Variants in THSD4 observed in about 807,000 individuals in gnomAD.
The protein encoded by THSD4 is thrombospondin type 1 domain containing 4.
Under a neutral mutation model 119.0 loss-of-function variants are expected in THSD4, and 69 were observed. The ratio of observed to expected loss-of-function variants is 0.58; its 90% CI spans 0.48 to 0.71. THSD4 has a LOEUF of 0.71. THSD4 is among the 30% of genes least tolerant of loss of function. The pLI, the probability that THSD4 is intolerant of heterozygous loss-of-function variation, is 0.00. For missense variants in THSD4, 1,393 were observed against 1,391.1 expected (o/e 1.00, Z -0.02); for synonymous variants, 524 against 540.4 (o/e 0.97, Z 0.42).
chr15:71,656,211 C>T (rs1203672299), intron 7 of THSD4, among the ~76,000 whole-genome samples: 1 of 151,704 alleles, frequency 6.6e-6, no homozygotes, highest in Non-Finnish European at 1.5e-5. Context: ...ACAAACAAGG[C>T]CTATTCTTAA....
In THSD4 at chr15:71,215,139, C is replaced by T; in HGVS notation, c.204C>T (p.Ser68=). The T allele has an allele frequency of 7.3e-7, 1 of 1,372,944 alleles. No individual in the cohort carries two copies. The highest frequency in any genetic ancestry group is 9.4e-7 in the Non-Finnish European group (1 of 1,059,504). 85.0% of individuals were successfully genotyped at this position (1,372,944 alleles called of 1,614,324 possible). ...AWGPWSACSR[S]CSGGVMEQTR... is the part of the protein sequence containing the mutation. ...GCCCCTGGTCGGCCTGCTCGCGTAG[C>T]TGCAGCGGCGGCGTGATGGAGCAGA... Residue 68 remains serine (S), a synonymous_variant, in exon 4 of 18, where the codon AGC becomes AGT. Transcript: ENST00000261862.
intron 8 of THSD4, among the ~76,000 whole-genome samples, chr15:71,672,928 G>A (rs141128300): frequency 0.01 from 1,588 of 152,294 alleles, 3 homozygotes; most frequent in Non-Finnish European, 0.017. Context: ...ATGTTCATCA[G>A]GGATATTGGT....
At chr15:71,586,263 C>G (rs2049668665) in intron 7 of THSD4, among the ~76,000 whole-genome samples, 1 of 152,164 alleles carries the variant, frequency 6.6e-6, no homozygotes, top group Non-Finnish European at 1.5e-5. Context: ...ATTCTACTAT[C>G]TTGCTGATGT....
chr15:71,332,892 A>ATATTTTTTTTTTTT (rs2045441892), intron 6 of THSD4, among the ~76,000 whole-genome samples: 1 of 76,940 alleles, frequency 1.3e-5, no homozygotes, highest in African/African-American at 4.0e-5. Flanking sequence ...ATTTTTTTAC[A>ATATTTTTTTTTTTT]TTTTTTTTTT....
At chr15:71,345,796 T>G (rs900396375) in intron 6 of THSD4, among the ~76,000 whole-genome samples, 2 of 136,538 alleles carry the variant, frequency 1.5e-5, no homozygotes, top group African/African-American at 2.5e-5. Flanking sequence ...TTTGGGTGTT[T>G]TGTTTTTTTT....
chr15:71,287,406 T>C (rs781726096), intron 6 of THSD4, among the ~76,000 whole-genome samples: 4 of 152,230 alleles, frequency 2.6e-5, no homozygotes, highest in Admixed American at 6.5e-5. Flanking sequence ...TCTAGACTTT[T>C]ACCCATTGCT....
chr15:71,622,824 T>G lies in THSD4; in HGVS notation c.1153-37706T>G, dbSNP rs2050441252. Among the ~76,000 whole-genome samples, 4 of 152,302 alleles carry G rather than the reference T, an allele frequency of 2.6e-5. No homozygotes were observed. The South Asian group carries it at 8.3e-4, about 32-fold the overall frequency. Reference sequence around the variant, plus strand: ...ATACAGTATTGGAAATGCAGGATACTGTTAGGGTAAGTGAAGGCTCAGGAT... The same window carrying G: ...ATACAGTATTGGAAATGCAGGATACGGTTAGGGTAAGTGAAGGCTCAGGAT... On this transcript the variant is annotated intron_variant, in intron 7 of 17. Transcript: ENST00000261862.
chr15:71,243,053 C>T lies in THSD4; in HGVS notation c.869C>T (p.Ser290Leu). Residue 290 changes from serine to leucine, a missense_variant, in exon 5 of 18, where the codon TCA becomes TTA. Physicochemically the swap from Ser to Leu is moderately radical, Grantham distance 145 (BLOSUM62 -2). Transcript: ENST00000261862. ...CAGCCTGCCCGATCTACAGCAATCT[C>T]ATGCATCGGGGCCTATCGGCAGTAC... ...FSQPARSTAI[S>L]CIGAYRQYKL... 2 of 1,614,188 alleles carry T rather than the reference C, an allele frequency of 1.2e-6. No homozygotes were observed. The highest frequency in any genetic ancestry group is 1.7e-6 in the Non-Finnish European group (2 of 1,180,028).
chr15:71,214,192 C>T (rs950474551), intron 3 of THSD4, among the ~76,000 whole-genome samples: 1 of 146,078 alleles, frequency 6.8e-6, no homozygotes, highest in African/African-American at 2.8e-5. Context: ...GTAAAATGGA[C>T]CAATCAGCAG....
chr15:71,438,969 A>C (rs1245197437), intron 7 of THSD4, among the ~76,000 whole-genome samples: 2 of 152,236 alleles, frequency 1.3e-5, no homozygotes, highest in Non-Finnish European at 2.9e-5. Flanking sequence ...CAGGAGTTAC[A>C]ATCATGAAAA....
chr15:71,688,292 C>A (rs565269504), intron 8 of THSD4, among the ~76,000 whole-genome samples: 63 of 152,306 alleles, frequency 4.1e-4, no homozygotes, highest in African/African-American at 1.5e-3. Context: ...AGAACATTTT[C>A]CTTTCAGCCT....
intron 7 of THSD4, among the ~76,000 whole-genome samples, chr15:71,649,708 G>A (rs1284602056): frequency 6.6e-6 from 1 of 152,200 alleles, no homozygotes; most frequent in African/African-American, 2.4e-5. Flanking sequence ...TGTTACATAG[G>A]TTGTCTTCCA....
intron 6 of THSD4, among the ~76,000 whole-genome samples, chr15:71,294,156 C>G (rs1466403236): frequency 6.6e-6 from 1 of 152,208 alleles, no homozygotes; most frequent in Non-Finnish European, 1.5e-5. Flanking sequence ...ACCAAAGGCT[C>G]TCAAGTTCAT....
intron 6 of THSD4, among the ~76,000 whole-genome samples, chr15:71,374,134 T>G (rs1182811695): frequency 6.6e-6 from 1 of 152,204 alleles, no homozygotes; most frequent in Non-Finnish European, 1.5e-5. Context: ...TGCAAACACA[T>G]GTTTCTAGTG....
chr15:71,438,206 A>G (rs1042570410), intron 7 of THSD4, among the ~76,000 whole-genome samples: 4 of 151,562 alleles, frequency 2.6e-5, no homozygotes, highest in Non-Finnish European at 2.9e-5. Context: ...ATCTTTGCAC[A>G]TTTTTCTATT....
chr15:71,397,487 C>CT (rs1385390238), intron 6 of THSD4, among the ~76,000 whole-genome samples: 2 of 152,212 alleles, frequency 1.3e-5, no homozygotes. Flanking sequence ...GGCAGGGACT[C>CT]TGTCTTAGTA....
chr15:71,537,691 T>C (rs143419853), intron 7 of THSD4, among the ~76,000 whole-genome samples: 190 of 152,286 alleles, frequency 1.2e-3, no homozygotes, highest in African/African-American at 4.1e-3. Flanking sequence ...TAAGTACTGA[T>C]ATTTTCAGTA....
rs1312329198 is a variant in THSD4 at position 71,777,971 on chromosome 15, C to A, written c.*597C>A. The stretch of plus-strand genomic sequence containing the variant: ...GCAGGTGTACTCACAGATACTAGCT[C>A]CTTAGCAGCTCACAACATCCCAGAA... On this transcript the variant is annotated 3_prime_UTR_variant, in exon 18 of 18. Coordinates refer to ENST00000261862, the MANE Select transcript of THSD4 (RefSeq NM_024817.3). The A allele has an allele frequency of 6.5e-6, 1 of 152,962 alleles. No individual in the cohort carries two copies. The highest frequency in any genetic ancestry group is 1.5e-5 in the Non-Finnish European group (1 of 68,536). 9.5% of individuals were successfully genotyped at this position (152,962 alleles called of 1,614,324 possible).
At chr15:71,682,098 C>A (rs1033805598) in intron 8 of THSD4, among the ~76,000 whole-genome samples, 1 of 152,132 alleles carries the variant, frequency 6.6e-6, no homozygotes. Flanking sequence ...CATAGTTCAA[C>A]CCAAGGTCTT....
Sources: allele counts gnomAD v4.1 joint callset (sites outside exome capture counted in the v4.1 genomes callset), GRCh38; gene constraint gnomAD v4.1.1; transcripts MANE v1.5; gene names NCBI Gene and HGNC (gene_info 2026-07-23, HGNC 2026-07-21).